RFPL2: variants seen among roughly 807,000 people sequenced by gnomAD.
RFPL2 encodes the protein ret finger protein like 2, also known as ret finger protein-like 2.
RFPL2 carries 13 observed loss-of-function variants against 17.8 expected under a neutral mutation model. The observed-to-expected ratio is 0.73, with a 90% CI of 0.47 to 1.16. RFPL2 has a LOEUF of 1.16. Ranked by LOEUF, RFPL2 falls within the 50% of genes most tolerant of loss-of-function variation. The pLI, the probability that RFPL2 is intolerant of heterozygous loss-of-function variation, is 0.00. For missense variants in RFPL2, 431 were observed against 479.3 expected (o/e 0.90, Z 0.94); for synonymous variants, 189 against 180.9 (o/e 1.04, Z -0.36).
At chr22:32,197,864 C>T (rs894020371) in intron 2 of RFPL2, among the ~76,000 whole-genome samples, 1 of 152,194 alleles carries the variant, frequency 6.6e-6, no homozygotes, top group African/African-American at 2.4e-5. Flanking sequence ...CTGCTACTTA[C>T]ATAGTCCTTT....
At position 32,190,856 on chromosome 22, in the gene RFPL2, A is replaced by G. The variant is rs373165556; in HGVS notation, c.1053T>C (p.Asn351=). Reference sequence around the variant, plus strand: ...AGATGCTCAAGACACCTTGATCACCATTAGGTGGAACTGAAGGAGCCAAAA... The same window carrying G: ...AGATGCTCAAGACACCTTGATCACCGTTAGGTGGAACTGAAGGAGCCAAAA... ...RPFLAPSVPP[N]GDQGVLSICP... The change falls in exon 5 of 5, where the codon AAT becomes AAC. Residue 351 remains asparagine (N), a synonymous_variant. Transcript: ENST00000652607. The G allele has an allele frequency of 3.1e-5, 49 of 1,587,010 alleles. No individual in the cohort carries two copies. In the Middle Eastern group the frequency reaches 8.4e-4, roughly 27 times the overall value.
At chr22:32,198,217 C>T (rs1039338763) in intron 2 of RFPL2, among the ~76,000 whole-genome samples, 2 of 152,112 alleles carry the variant, frequency 1.3e-5, no homozygotes, top group Non-Finnish European at 2.9e-5. Flanking sequence ...CTGTCCCTTT[C>T]CATGCCCCTT....
At chr22:32,194,858 G>T (rs2413081) in intron 2 of RFPL2, among the ~76,000 whole-genome samples, 1 of 152,120 alleles carries the variant, frequency 6.6e-6, no homozygotes, top group Non-Finnish European at 1.5e-5. Flanking sequence ...CTTTTTATTT[G>T]TTTCCATTGG....
chr22:32,204,028 T>A (rs1439285949), intron 1 of RFPL2, among the ~76,000 whole-genome samples: 1 of 130,830 alleles, frequency 7.6e-6, no homozygotes, highest in African/African-American at 2.9e-5. Context: ...TCCCACCGAG[T>A]CAACCACCGC....
intron 2 of RFPL2, among the ~76,000 whole-genome samples, chr22:32,194,743 G>GTAT (rs978830449): frequency 2.4e-4 from 37 of 152,308 alleles, no homozygotes; most frequent in African/African-American, 8.7e-4. Context: ...GAATCCTAAA[G>GTAT]TATTAAGTGT....
chr22:32,204,688 A>C lies in RFPL2; in HGVS notation c.-100+19T>G. On this transcript the variant is annotated intron_variant, in intron 1 of 4. Coordinates refer to ENST00000652607, the MANE Select transcript of RFPL2 (RefSeq NM_001394555.1). ...GGCTTTCAAGCCTCCAGCGTGGGAC[A>C]GGTGACTCCTCCTCTAACCTGGGCA... is the stretch of plus-strand genomic sequence containing the variant. Among the ~76,000 whole-genome samples the C allele has an allele frequency of 6.6e-6, 1 of 152,190 alleles. No individual in the cohort carries two copies. The highest frequency in any genetic ancestry group is 1.5e-5 in the Non-Finnish European group (1 of 68,018).
At chr22:32,201,565 T>G (rs1923920134) in intron 2 of RFPL2, among the ~76,000 whole-genome samples, 1 of 152,192 alleles carries the variant, frequency 6.6e-6, no homozygotes, top group Non-Finnish European at 1.5e-5. Context: ...TCTCAGGTAC[T>G]TGGCACAGAA....
chr22:32,193,347 C>T, intron 3 of RFPL2, 155 bp from the exon 4 acceptor site: 1 of 1,565,738 alleles, frequency 6.4e-7, no homozygotes, highest in Non-Finnish European at 8.7e-7. Flanking sequence ...AAGCACATCC[C>T]CCCACCCCCC....
At chr22:32,195,464 C>CAT (rs1569351008) in intron 2 of RFPL2, among the ~76,000 whole-genome samples, 2 of 150,536 alleles carry the variant, frequency 1.3e-5, no homozygotes. Flanking sequence ...TTTCTTTTTT[C>CAT]TTTTTTTTTG....
chr22:32,193,862 CA>C (rs136481), intron 3 of RFPL2, among the ~76,000 whole-genome samples: 2,030 of 71,934 alleles, frequency 0.028, 16 homozygotes, highest in Admixed American at 0.062. Context: ...GACACCATCT[CA>C]AAAAAAAAAA....
In RFPL2 at chr22:32,193,014, C is replaced by T; in HGVS notation, c.444G>A (p.Lys148=). The T allele has an allele frequency of 1.9e-6, 3 of 1,614,146 alleles. No individual in the cohort carries two copies. The highest frequency in any genetic ancestry group is 1.1e-5 in the South Asian group (1 of 91,082). The change falls in exon 4 of 5, where the codon AAG becomes AAA. Residue 148 remains lysine (K), a synonymous_variant. Coordinates refer to ENST00000652607, the MANE Select transcript of RFPL2 (RefSeq NM_001394555.1). ...GCTGCCGATTGCGCCTGATTTTGTT[C>T]TTCCGAGAGACCATGGAAGAGCAAC... ...LCCCSSMVSR[K]NKIRRNRQLE...
intron 3 of RFPL2, 97 bp downstream of exon 3, chr22:32,194,248 T>C: frequency 1.4e-6 from 2 of 1,412,190 alleles, no homozygotes; most frequent in African/African-American, 1.5e-5. Flanking sequence ...CTTTGTTGAA[T>C]TCATTAATTA....
chr22:32,201,166 TA>T (rs1923879764), intron 2 of RFPL2, among the ~76,000 whole-genome samples: 1 of 151,334 alleles, frequency 6.6e-6, no homozygotes, highest in South Asian at 2.1e-4. Flanking sequence ...GCCTCCTGAG[TA>T]GCTGGGACTA....
chr22:32,197,727 G>C (rs1923497401), intron 2 of RFPL2, among the ~76,000 whole-genome samples: 1 of 152,148 alleles, frequency 6.6e-6, no homozygotes, highest in Admixed American at 6.5e-5. Flanking sequence ...TCCCTACAAA[G>C]GACATGAACT....
intron 2 of RFPL2, among the ~76,000 whole-genome samples, chr22:32,198,562 C>A (rs924107119): frequency 2.0e-5 from 3 of 151,954 alleles, no homozygotes; most frequent in East Asian, 3.9e-4. Flanking sequence ...TCATGGAGGA[C>A]CCGGCTGACT....
chr22:32,204,771 C>T lies in RFPL2; in HGVS notation c.-164G>A, dbSNP rs1001102729. On this transcript the variant is annotated 5_prime_UTR_variant, in exon 1 of 5. Coordinates refer to ENST00000652607, the MANE Select transcript of RFPL2 (RefSeq NM_001394555.1). ...CTGGAATGGCAAGAACCCCTCCCCC[C>T]ACAGACCGAGGTTATGCAAGTAAGG... is the stretch of plus-strand genomic sequence containing the variant. Among the ~76,000 whole-genome samples the T allele has an allele frequency of 6.6e-6, 1 of 152,242 alleles. No individual in the cohort carries two copies.
chr22:32,190,719 T>C lies in RFPL2; in HGVS notation c.*53A>G. 6.7e-7 allele frequency: 1 copy of C among 1,491,342 alleles called. No individual in the cohort carries two copies. Among genetic ancestry groups the C allele is most frequent in the Non-Finnish European group, 8.9e-7 (1 of 1,117,352 alleles). 92.4% of individuals were successfully genotyped at this position (1,491,342 alleles called of 1,614,324 possible). A position where few individuals can be genotyped will look rare whatever the true frequency, so the allele number is the denominator to read the frequency against. Reference sequence around the variant, plus strand: ...TTACGAAGTAGAGCGTTCCTAAGTCTACCCACCCAAGTAATTTTCTTACCC... The same window carrying C: ...TTACGAAGTAGAGCGTTCCTAAGTCCACCCACCCAAGTAATTTTCTTACCC... On this transcript the variant is annotated 3_prime_UTR_variant, in exon 5 of 5. Coordinates refer to ENST00000652607, the MANE Select transcript of RFPL2 (RefSeq NM_001394555.1).
At chr22:32,199,911 A>AC (rs35957045) in intron 2 of RFPL2, 134,749 of 469,648 alleles carry the variant, frequency 0.29, 21,713 homozygotes, top group Non-Finnish European at 0.33. Context: ...CCGCTCGCCC[A>AC]CTCACAGGCC....
rs777943284 is a variant in RFPL2 at position 32,193,055 on chromosome 22, C to T, written c.403G>A (p.Glu135Lys). Residue 135 changes from glutamate to lysine, a missense_variant, in exon 4 of 5, where the codon GAG becomes AAG. Coordinates refer to ENST00000652607, the MANE Select transcript of RFPL2 (RefSeq NM_001394555.1). The stretch of plus-strand genomic sequence containing the variant: ...GAAGAGCAACAGCAAAGTAGATCCT[C>T]CCCATGGGGCTCCTTCTGCAGTGAA... ...INSLQKEPHG[E>K]DLLCCCSSMV... is the part of the protein sequence containing the mutation. 1.5e-5 allele frequency: 25 copies of T among 1,613,886 alleles called. No individual in the cohort carries two copies. The South Asian group carries it at 2.7e-4, about 18-fold the overall frequency.
Sources: allele counts gnomAD v4.1 joint callset (sites outside exome capture counted in the v4.1 genomes callset), GRCh38; gene constraint gnomAD v4.1.1; transcripts MANE v1.5; gene names NCBI Gene and HGNC (gene_info 2026-07-23, HGNC 2026-07-21).